The following ABR variants were observed in gnomAD, a reference collection of about 807,000 sequenced individuals.
ABR encodes the protein ABR activator of RhoGEF and GTPase.
ABR carries 35 observed loss-of-function variants against 107.2 expected under a neutral mutation model. That is an observed-to-expected ratio of 0.33 (90% CI 0.25 to 0.43). The LOEUF (loss-of-function observed/expected upper bound fraction) is 0.43. ABR is among the 20% of genes least tolerant of loss of function. The pLI is 1.00. For missense variants in ABR, 815 were observed against 1,115.2 expected (o/e 0.73, Z 3.83); for synonymous variants, 498 against 462.0 (o/e 1.08, Z -1.00).
At chr17:1,061,878 A>AG (rs2033980967) in intron 10 of ABR, among the ~76,000 whole-genome samples, 1 of 152,188 alleles carries the variant, frequency 6.6e-6, no homozygotes, top group African/African-American at 2.4e-5. Flanking sequence ...GTCGAATATG[A>AG]GGAACATGGA....
Position 1,157,078 on chromosome 17 carries a change from A to AG in ABR, c.61+22588dup, listed in dbSNP as rs1318634365. Among the ~76,000 whole-genome samples the AG allele has an allele frequency of 6.6e-6, 1 of 152,162 alleles. No homozygotes were observed. Among genetic ancestry groups the AG allele is most frequent in the African/African-American group, 2.4e-5 (1 of 41,442 alleles). ...GCAGCCTCACACCGCGCCAGGAGGC[A>AG]GGCACTAATATTATCTCAATTTTAC... On this transcript the variant is annotated intron_variant, in intron 1 of 22. Transcript: ENST00000302538. The surrounding 1 kb of genome is among the most constrained non-coding windows in gnomAD (Gnocchi z 4.7).
intron 1 of ABR, among the ~76,000 whole-genome samples, chr17:1,203,635 C>T (rs943476982): frequency 2.0e-5 from 3 of 152,126 alleles, no homozygotes; most frequent in Admixed American, 6.5e-5. Context: ...CTGCGAGGAG[C>T]CCGGCGAGTG....
rs1555534386 is a variant in ABR at position 1,022,120 on chromosome 17, A to AAAAAACAAAAAC, written c.1792-8957_1792-8956insGTTTTTGTTTTT. On this transcript the variant is annotated intron_variant, in intron 16 of 22. Transcript: ENST00000302538. ...AGACTCTGTCTCAAAAAAAAAAAAA[A>AAAAAACAAAAAC]AAAAACAGAAAATGACTCCAGAAGG... is the stretch of plus-strand genomic sequence containing the variant. Among the ~76,000 whole-genome samples the AAAAAACAAAAAC allele has an allele frequency of 3.6e-3, 421 of 118,386 alleles. 22 individuals carry two copies. The highest frequency in any genetic ancestry group is 0.015 in the African/African-American group (398 of 27,368). The allele number at this position is 118,386 out of a possible 152,430, so 77.7% of individuals were successfully genotyped here. A position where few individuals can be genotyped will look rare whatever the true frequency, so the allele number is the denominator to read the frequency against.
chr17:1,152,157 G>T (rs1567831233), intron 1 of ABR, among the ~76,000 whole-genome samples: 1 of 152,232 alleles, frequency 6.6e-6, no homozygotes, highest in Non-Finnish European at 1.5e-5. Flanking sequence ...AGGTGTGGTG[G>T]CAGGTGCCTG....
At chr17:1,189,085 G>T (rs2042377038), upstream of ABR, among the ~76,000 whole-genome samples, 1 of 152,196 alleles carries the variant, frequency 6.6e-6, no homozygotes, top group East Asian at 1.9e-4. Context: ...GGTGCCAGGA[G>T]CTGGCACGAG....
chr17:1,080,896 G>C (rs1367284074), intron 5 of ABR, among the ~76,000 whole-genome samples: 1 of 152,162 alleles, frequency 6.6e-6, no homozygotes. Flanking sequence ...GCTGCAGAGA[G>C]GAGCCTAATT....
intron 2 of ABR, among the ~76,000 whole-genome samples, chr17:1,102,186 G>A (rs536034353): frequency 1.9e-3 from 292 of 152,148 alleles, no homozygotes; most frequent in Non-Finnish European, 3.0e-3. Context: ...TCCCCCACAC[G>A]CAGGAGAACC....
intron 1 of ABR, among the ~76,000 whole-genome samples, chr17:1,199,936 T>TA (rs397803703): frequency 6.6e-6 from 1 of 151,474 alleles, no homozygotes; most frequent in Admixed American, 6.6e-5. Context: ...TTTTTTTTTT[T>TA]ATTATACTTT....
chr17:1,223,183 C>A (rs556901019), intron 1 of ABR, among the ~76,000 whole-genome samples: 99 of 151,518 alleles, frequency 6.5e-4, no homozygotes, highest in African/African-American at 2.4e-3. Context: ...GCCGGGGTGA[C>A]AAGAGCCATA....
chr17:1,228,591 G>C (rs569459135), intron 1 of ABR, among the ~76,000 whole-genome samples: 7 of 152,302 alleles, frequency 4.6e-5, no homozygotes, highest in African/African-American at 1.4e-4. Flanking sequence ...AGTCGCCCGA[G>C]CTTAACGTCG....
At chr17:1,180,674 A>G (rs1443579033), upstream of ABR, among the ~76,000 whole-genome samples, 1 of 152,236 alleles carries the variant, frequency 6.6e-6, no homozygotes, top group Non-Finnish European at 1.5e-5. Flanking sequence ...CGGCCTGGAA[A>G]GCCCATCGTG....
At position 1,146,274 on chromosome 17, in the gene ABR, C is replaced by T. The variant is rs981587888; in HGVS notation, c.62-20907G>A. Among the ~76,000 whole-genome samples the T allele has an allele frequency of 1.2e-4, 17 of 144,032 alleles. No individual in the cohort carries two copies. In the East Asian group the frequency reaches 4.1e-3, roughly 35 times the overall value. 94.5% of individuals were successfully genotyped at this position (144,032 alleles called of 152,430 possible). On this transcript the variant is annotated intron_variant, in intron 1 of 22. Transcript: ENST00000302538. ...AGGCACATGGAGACACACACACACA[C>T]ACACACACACACACACACACACATC...
chr17:1,139,467 T>C (rs932218563), intron 1 of ABR, among the ~76,000 whole-genome samples: 9 of 152,072 alleles, frequency 5.9e-5, no homozygotes, highest in African/African-American at 2.2e-4. Flanking sequence ...TTAGCCAAGA[T>C]GGTCTCCATC....
At chr17:1,086,824 C>T (rs2036622102) in intron 4 of ABR, among the ~76,000 whole-genome samples, 2 of 152,098 alleles carry the variant, frequency 1.3e-5, no homozygotes, top group Admixed American at 1.3e-4. Flanking sequence ...AAAGTACATG[C>T]AGCTGGGAGC....
chr17:1,032,403 C>T (rs1205011309), intron 16 of ABR, among the ~76,000 whole-genome samples: 3 of 152,174 alleles, frequency 2.0e-5, no homozygotes, highest in East Asian at 3.9e-4. Flanking sequence ...GGAATCGGGT[C>T]ACTGATCTGC....
At chr17:1,167,977 C>T (rs2151589381) in intron 1 of ABR, among the ~76,000 whole-genome samples, 1 of 151,286 alleles carries the variant, frequency 6.6e-6, no homozygotes, top group African/African-American at 2.4e-5. Context: ...CATGGTGAAA[C>T]CCCGTCTCTA....
intron 3 of ABR, among the ~76,000 whole-genome samples, chr17:1,099,227 A>G (rs2037706325): frequency 6.6e-6 from 1 of 150,574 alleles, no homozygotes; most frequent in South Asian, 2.1e-4. Flanking sequence ...GGTATGCACC[A>G]CCACGCCTGG....
intron 16 of ABR, among the ~76,000 whole-genome samples, chr17:1,034,233 A>T (rs926832313): frequency 1.3e-5 from 2 of 152,052 alleles, no homozygotes. Flanking sequence ...GTTTACAGGC[A>T]TGAACCACTG....
At chr17:1,024,078 G>A (rs1276056708) in intron 16 of ABR, among the ~76,000 whole-genome samples, 1 of 141,590 alleles carries the variant, frequency 7.1e-6, no homozygotes, top group African/African-American at 2.6e-5. Context: ...TCTGATACCA[G>A]CTTCACCCTC....
Sources: gnomAD v4.1 joint callset for allele counts (sites outside exome capture counted in the v4.1 genomes callset) on GRCh38, gnomAD v4.1.1 for gene constraint, Gnocchi (gnomAD v3.1) non-coding constraint, MANE v1.5 for transcripts, NCBI Gene and HGNC (gene_info 2026-07-23, HGNC 2026-07-21) for gene names.